The following PCDHGA1 variants were observed in gnomAD, a reference collection of about 807,000 sequenced individuals.
PCDHGA1 encodes the protein protocadherin gamma-A1.
Under a neutral mutation model 58.0 loss-of-function variants are expected in PCDHGA1, and 32 were observed. The observed-to-expected ratio is 0.55, with a 90% CI of 0.42 to 0.74. The LOEUF (loss-of-function observed/expected upper bound fraction) is 0.74. PCDHGA1 is among the 30% of genes least tolerant of loss of function. PCDHGA1 has a pLI of 0.00. For synonymous variants in PCDHGA1, 498 were observed against 501.1 expected, an observed-to-expected ratio of 0.99 and a Z score of 0.08; for missense variants, 1,205 against 1,182.3, an observed-to-expected ratio of 1.02 and a Z score of -0.28.
chr5:141,346,766 A>G (rs1436711423), intron 1 of PCDHGA1, among the ~76,000 whole-genome samples: 1 of 152,194 alleles, frequency 6.6e-6, no homozygotes, highest in Non-Finnish European at 1.5e-5. Context: ...TGCTCCTTCT[A>G]CCTGGGTCCT....
chr5:141,421,243 C>A (rs201273667), intron 1 of PCDHGA1: 1 of 1,601,658 alleles, frequency 6.2e-7, no homozygotes. Flanking sequence ...GAATCGGCTA[C>A]AGCGCGGGGA....
At chr5:141,361,233 C>G in intron 1 of PCDHGA1, 1 of 1,613,952 alleles carries the variant, frequency 6.2e-7, no homozygotes, top group Non-Finnish European at 8.5e-7. Flanking sequence ...GAACAGTGAT[C>G]GCCTTGATAA....
chr5:141,368,313 G>A (rs1765575616), intron 1 of PCDHGA1, among the ~76,000 whole-genome samples: 1 of 152,024 alleles, frequency 6.6e-6, no homozygotes, highest in South Asian at 2.1e-4. Flanking sequence ...CTGTTAAAGA[G>A]CATTCAAGTA....
chr5:141,339,576 G>T (rs1389707234), intron 1 of PCDHGA1: 11 of 1,614,176 alleles, frequency 6.8e-6, no homozygotes, highest in East Asian at 6.7e-5. Flanking sequence ...TCTCTGGACC[G>T]CGAGGAAGAG....
chr5:141,448,464 T>C lies in PCDHGA1; in HGVS notation c.2422-46343T>C, dbSNP rs186054602. Among the ~76,000 whole-genome samples the C allele has an allele frequency of 2.6e-3, 402 of 152,296 alleles. 10 individuals are homozygous for C. The highest frequency in any genetic ancestry group is 0.023 in the Admixed American group (357 of 15,282). ...CTGACTTCCATCCCTATCCTACTCCTATTCCACCCTTGCTTCCTCCTGTCC... is the reference window on the plus strand; with the variant it reads ...CTGACTTCCATCCCTATCCTACTCCCATTCCACCCTTGCTTCCTCCTGTCC... On this transcript the variant is annotated intron_variant, in intron 1 of 3. Transcript: ENST00000517417.
chr5:141,375,309 C>T, intron 1 of PCDHGA1: 3 of 1,613,840 alleles, frequency 1.9e-6, no homozygotes, highest in Non-Finnish European at 2.5e-6. Context: ...ACAAATGCAG[C>T]TCTAGACCGG....
chr5:141,395,264 A>C (rs2093207486), intron 1 of PCDHGA1: 1 of 1,549,832 alleles, frequency 6.5e-7, no homozygotes, highest in Non-Finnish European at 8.7e-7. Context: ...GCTTGCTTTT[A>C]ATTTCCAGAT....
chr5:141,457,045 C>T (rs1489830197), intron 1 of PCDHGA1, among the ~76,000 whole-genome samples: 1 of 152,198 alleles, frequency 6.6e-6, no homozygotes, highest in African/African-American at 2.4e-5. Context: ...GATAGTAAAA[C>T]TTTCATGCTT....
rs1387036035 is a variant in PCDHGA1, at chr5:141,432,158, A to G, written c.2422-62649A>G. ...CGCTTATATCCCAGAGAACAATCCC[A>G]GAGGAGTTTCCCTCGTCTCTGTGAC... is the stretch of plus-strand genomic sequence containing the variant. On this transcript the variant is annotated intron_variant, in intron 1 of 3. Coordinates refer to ENST00000517417, the MANE Select transcript of PCDHGA1 (RefSeq NM_018912.3). The surrounding 1 kb of genome is among the most constrained non-coding windows in gnomAD (Gnocchi z 6.0). The G allele has an allele frequency of 6.2e-7, 1 of 1,613,932 alleles. No individual in the cohort carries two copies. Among genetic ancestry groups the G allele is most frequent in the Non-Finnish European group, 8.5e-7 (1 of 1,180,002 alleles).
Position 141,374,926 on chromosome 5 carries a change from T to G in PCDHGA1, c.2421+41821T>G. ...TCCACGGGGAAGTAACTTATTCCTT[T>G]GTGAAGATTACAGAAAAGATCTCAC... is the stretch of plus-strand genomic sequence containing the variant. On this transcript the variant is annotated intron_variant, in intron 1 of 3. Coordinates refer to ENST00000517417, the MANE Select transcript of PCDHGA1 (RefSeq NM_018912.3). The G allele has an allele frequency of 3.1e-6, 5 of 1,613,970 alleles. No individual in the cohort carries two copies. In the South Asian group the frequency reaches 5.5e-5, roughly 18 times the overall value.
chr5:141,470,476 A>G (rs1009129571), intron 1 of PCDHGA1, among the ~76,000 whole-genome samples: 7 of 152,128 alleles, frequency 4.6e-5, no homozygotes, highest in African/African-American at 1.7e-4. Context: ...GATATTACTA[A>G]CCCTCTGGGA....
intron 2 of PCDHGA1, among the ~76,000 whole-genome samples, chr5:141,496,207 T>C (rs973745475): frequency 6.6e-6 from 1 of 152,134 alleles, no homozygotes; most frequent in Non-Finnish European, 1.5e-5. Flanking sequence ...CAATCTGGTA[T>C]GAATTCCTGC....
At chr5:141,370,927 T>A in intron 1 of PCDHGA1, 2 of 1,613,940 alleles carry the variant, frequency 1.2e-6, no homozygotes, top group Non-Finnish European at 1.7e-6. Context: ...GATCCGCACT[T>A]CTCTTTGATT....
At chr5:141,376,589 C>A in intron 1 of PCDHGA1, 1 of 1,568,198 alleles carries the variant, frequency 6.4e-7, no homozygotes, top group South Asian at 1.2e-5. Context: ...TCAGCTAGAT[C>A]GGCTGTTATA....
At chr5:141,408,192 C>A (rs2095055859) in intron 1 of PCDHGA1, 1 of 1,545,004 alleles carries the variant, frequency 6.5e-7, no homozygotes, top group South Asian at 1.2e-5. Flanking sequence ...CAGCGAGAAC[C>A]CGAGCGAACG....
chr5:141,363,888 C>T (rs1763099413), intron 1 of PCDHGA1, among the ~76,000 whole-genome samples: 1 of 152,020 alleles, frequency 6.6e-6, no homozygotes, highest in South Asian at 2.1e-4. Flanking sequence ...ACATAGGCTC[C>T]CCCGATGACG....
chr5:141,404,468 T>G, intron 1 of PCDHGA1: 2 of 1,613,514 alleles, frequency 1.2e-6, no homozygotes, highest in Non-Finnish European at 8.5e-7. Context: ...CACCTATGTC[T>G]CTATTAACTC....
chr5:141,510,994 G>A lies in PCDHGA1; in HGVS notation c.2617G>A (p.Gly873Arg). ...CCTGGGAGGGGGTGCCGGCACCATG[G>A]GATTGAGCGCCCGCTACGGACCCCA... ...STLGGGAGTM[G>R]LSARYGPQFT... The change falls in exon 4 of 4, where the codon GGA becomes AGA. Residue 873 changes from glycine to arginine, a missense_variant. Physicochemically the swap from Gly to Arg is moderately radical, Grantham distance 125 (BLOSUM62 -2). Transcript: ENST00000517417. 1 of 1,614,168 alleles carries A rather than the reference G, an allele frequency of 6.2e-7. No homozygotes were observed. Among genetic ancestry groups the A allele is most frequent in the Non-Finnish European group, 8.5e-7 (1 of 1,180,022 alleles).
intron 1 of PCDHGA1, among the ~76,000 whole-genome samples, chr5:141,450,123 T>G (rs565568384): frequency 2.4e-4 from 36 of 150,874 alleles, no homozygotes; most frequent in Non-Finnish European, 4.7e-4. Context: ...TCTCCTGCCT[T>G]AGCCTCCTGA....
Sources: allele counts gnomAD v4.1 joint callset (sites outside exome capture counted in the v4.1 genomes callset), GRCh38; gene constraint gnomAD v4.1.1; non-coding constraint Gnocchi (gnomAD v3.1); transcripts MANE v1.5; gene names NCBI Gene and HGNC (gene_info 2026-07-23, HGNC 2026-07-21).